Variants in INSC observed in about 807,000 individuals in gnomAD.
The protein encoded by INSC is protein inscuteable homolog.
A neutral mutation model predicts 58.6 loss-of-function variants in INSC; 67 were observed. The observed-to-expected ratio is 1.14, with a 90% confidence interval of 0.94 to 1.40. The LOEUF (loss-of-function observed/expected upper bound fraction) is 1.40, where lower values mean the gene tolerates loss of function less well. Ranked by LOEUF, INSC falls within the 40% of genes most tolerant of loss-of-function variation. The pLI, the probability that INSC is intolerant of heterozygous loss-of-function variation, is 0.00. For missense variants in INSC, 714 were observed against 692.0 expected (o/e 1.03, Z -0.36); for synonymous variants, 262 against 276.1 (o/e 0.95, Z 0.51).
intron 12 of INSC, among the ~76,000 whole-genome samples, chr11:15,240,842 G>T (rs1020393044): frequency 3.9e-5 from 6 of 152,150 alleles, no homozygotes; most frequent in Admixed American, 2.6e-4. Context: ...TCTATGTCAT[G>T]GTGCCTGCAG....
chr11:15,264,810 C>T, the INSC span, among the ~76,000 whole-genome samples: 381 of 152,068 alleles, frequency 2.5e-3, 1 homozygote, highest in African/African-American at 8.2e-3. Context: ...TTTCTTTTGC[C>T]GTGTAATGTA....
At chr11:15,191,959 A>C (rs1850194312) in intron 6 of INSC, among the ~76,000 whole-genome samples, 1 of 152,222 alleles carries the variant, frequency 6.6e-6, no homozygotes, top group Admixed American at 6.5e-5. Flanking sequence ...TCTCTGCCTA[A>C]GCTTTCCTAT....
At chr11:15,114,577 C>T (rs893012937), upstream of INSC, among the ~76,000 whole-genome samples, 46 of 152,204 alleles carry the variant, frequency 3.0e-4, no homozygotes, top group African/African-American at 1.1e-3. Context: ...TGGGCGACCC[C>T]GCCTGGACGG....
chr11:15,199,648 C>T (rs1850503328), intron 6 of INSC, among the ~76,000 whole-genome samples: 1 of 152,168 alleles, frequency 6.6e-6, no homozygotes, highest in Admixed American at 6.5e-5. Flanking sequence ...TGCCTTCTTC[C>T]TATAACATTT....
intron 1 of INSC, among the ~76,000 whole-genome samples, chr11:15,134,154 T>C (rs1714365): frequency 0.51 from 77,588 of 151,964 alleles, 20,403 homozygotes; most frequent in Non-Finnish European, 0.58. Flanking sequence ...TGGAGGAATA[T>C]GTGTAAGACA....
At chr11:15,224,012 G>A (rs1658684543) in intron 8 of INSC, among the ~76,000 whole-genome samples, 1 of 152,170 alleles carries the variant, frequency 6.6e-6, no homozygotes, top group Non-Finnish European at 1.5e-5. Context: ...TAGAAAGAAT[G>A]GGAACTTTGG....
intron 5 of INSC, among the ~76,000 whole-genome samples, chr11:15,183,462 T>C (rs1366464467): frequency 6.6e-6 from 1 of 152,072 alleles, no homozygotes; most frequent in African/African-American, 2.4e-5. Context: ...TGTGTGTATG[T>C]GTGTTGTTGG....
chr11:15,136,592 T>G (rs1848250523), intron 1 of INSC, among the ~76,000 whole-genome samples: 1 of 152,192 alleles, frequency 6.6e-6, no homozygotes, highest in Non-Finnish European at 1.5e-5. Flanking sequence ...GTCTCTTCAC[T>G]AGGAGTAGAT....
chr11:15,247,088 T>G lies in INSC; in HGVS notation c.*1048T>G, dbSNP rs371756345. 37 of 151,644 alleles carry G rather than the reference T, an allele frequency of 2.4e-4. 1 individual carries two copies. In the East Asian group the frequency reaches 5.7e-3, roughly 23 times the overall value. 9.4% of individuals were successfully genotyped at this position (151,644 alleles called of 1,614,324 possible). A position where few individuals can be genotyped will look rare whatever the true frequency, so the allele number is the denominator to read the frequency against. On this transcript the variant is annotated 3_prime_UTR_variant, in exon 13 of 13. Transcript: ENST00000379556. ...TCACTGCTTGAAAGTATCACAAAAA[T>G]CTGGGGATCCTTTTGAAAATATAAA...
At chr11:15,161,265 C>T (rs1388117941) in intron 2 of INSC, among the ~76,000 whole-genome samples, 5 of 152,120 alleles carry the variant, frequency 3.3e-5, no homozygotes, top group African/African-American at 7.2e-5. Context: ...CCCCAGGACC[C>T]CTGGAGTTAT....
rs200542419 is a variant in INSC, at chr11:15,183,576, AG to A, written c.579+5130del. Reference sequence around the variant, plus strand: ...ACATTCTCCTTAGACCAAAGCAAAGAGAGCACTGGTAGGATACATCAAGCAC... The same window carrying A: ...ACATTCTCCTTAGACCAAAGCAAAGAAGCACTGGTAGGATACATCAAGCAC... On this transcript the variant is annotated intron_variant, in intron 5 of 12. Coordinates refer to ENST00000379556, the MANE Select transcript of INSC (RefSeq NM_001042536.3). Among the ~76,000 whole-genome samples, 793 of 152,288 alleles carry A rather than the reference AG, an allele frequency of 5.2e-3. 5 individuals carry two copies. Among genetic ancestry groups the A allele is most frequent in the African/African-American group, 0.018 (742 of 41,550 alleles).
At chr11:15,234,783 T>C (rs957759284) in intron 9 of INSC, among the ~76,000 whole-genome samples, 2 of 152,188 alleles carry the variant, frequency 1.3e-5, no homozygotes, top group Non-Finnish European at 2.9e-5. Flanking sequence ...CCCAATCTAT[T>C]CCAGTAGCAT....
chr11:15,129,303 T>C (rs1449985500), intron 1 of INSC, among the ~76,000 whole-genome samples: 2 of 152,152 alleles, frequency 1.3e-5, no homozygotes, highest in Non-Finnish European at 2.9e-5. Flanking sequence ...AGGGTCAATA[T>C]CCCACTGTAT....
At position 15,246,064 on chromosome 11, in the gene INSC, T is replaced by C. The variant is rs971771709; in HGVS notation, c.*24T>C. ...AGTGAGTGTGGGCGAAGAAATACATTTGGCTGTTCTCACACCCCCTCTGAC... is the reference window on the plus strand; with the variant it reads ...AGTGAGTGTGGGCGAAGAAATACATCTGGCTGTTCTCACACCCCCTCTGAC... On this transcript the variant is annotated 3_prime_UTR_variant, in exon 13 of 13. Transcript: ENST00000379556. 3 of 1,613,630 alleles carry C rather than the reference T, an allele frequency of 1.9e-6. No homozygotes were observed. Among genetic ancestry groups the C allele is most frequent in the Non-Finnish European group, 2.5e-6 (3 of 1,179,754 alleles).
chr11:15,118,084 G>C (rs997304199), intron 1 of INSC, among the ~76,000 whole-genome samples: 1 of 152,154 alleles, frequency 6.6e-6, no homozygotes, highest in South Asian at 2.1e-4. Context: ...GTGTCTCTTG[G>C]ATCTGAGCCC....
At chr11:15,248,780 G>C (rs1852619392), downstream of INSC, among the ~76,000 whole-genome samples, 3 of 152,098 alleles carry the variant, frequency 2.0e-5, no homozygotes, top group Non-Finnish European at 4.4e-5. Context: ...TATCAACCAG[G>C]GGCCTAGTAG....
intron 1 of INSC, among the ~76,000 whole-genome samples, chr11:15,137,077 T>A (rs1473318680): frequency 6.6e-6 from 1 of 152,190 alleles, no homozygotes; most frequent in East Asian, 1.9e-4. Context: ...TTTCCACATC[T>A]CCATCAGAGC....
intron 1 of INSC, among the ~76,000 whole-genome samples, chr11:15,134,625 C>A (rs1848199823): frequency 6.6e-6 from 1 of 152,190 alleles, no homozygotes; most frequent in East Asian, 1.9e-4. Context: ...GAAGAAGTGA[C>A]TTCCATGTGT....
chr11:15,167,596 A>G (rs949193301), intron 2 of INSC, among the ~76,000 whole-genome samples: 2 of 151,720 alleles, frequency 1.3e-5, no homozygotes, highest in Admixed American at 6.6e-5. Context: ...GAGTATCCTG[A>G]GTAGCTGGGA....
Sources: allele counts gnomAD v4.1 joint callset (sites outside exome capture counted in the v4.1 genomes callset), GRCh38; gene constraint gnomAD v4.1.1; transcripts MANE v1.5; gene names NCBI Gene and HGNC (gene_info 2026-07-23, HGNC 2026-07-21).